TXNDC15: variants seen among roughly 807,000 people sequenced by gnomAD.
The protein encoded by TXNDC15 is thioredoxin domain-containing protein 15.
In TXNDC15, 24 loss-of-function variants were observed where a neutral mutation model predicts 35.0. The observed-to-expected ratio is 0.68, with a 90% CI of 0.50 to 0.96. The LOEUF (loss-of-function observed/expected upper bound fraction) is 0.96. TXNDC15 is among the 40% of genes least tolerant of loss of function. The pLI, the probability that TXNDC15 is intolerant of heterozygous loss-of-function variation, is 0.00. For synonymous variants in TXNDC15, 169 were observed against 174.0 expected (o/e 0.97, Z 0.23); for missense variants, 385 against 453.3 (o/e 0.85, Z 1.37).
At chr5:134,879,297 G>A (rs1750096245) in intron 1 of TXNDC15, among the ~76,000 whole-genome samples, 1 of 152,172 alleles carries the variant, frequency 6.6e-6, no homozygotes. Context: ...AGGGTCATCA[G>A]AGAGAACCAG....
In TXNDC15 at chr5:134,900,955, T is replaced by G. The variant is rs1373405116; in HGVS notation, c.*1270T>G. On this transcript the variant is annotated 3_prime_UTR_variant, in exon 5 of 5. Coordinates refer to ENST00000358387, the MANE Select transcript of TXNDC15 (RefSeq NM_024715.4). ...GGCCTGTGCCATCACACCCAGCTAA[T>G]TTTTCTATTTTTAGTAGAGATGGGG... 6.6e-6 allele frequency: 1 copy of G among 152,074 alleles called. No homozygotes were observed. Among genetic ancestry groups the G allele is most frequent in the Non-Finnish European group, 1.5e-5 (1 of 68,050 alleles). 9.4% of individuals were successfully genotyped at this position (152,074 alleles called of 1,614,324 possible).
At chr5:134,892,952 C>T (rs1282725433) in intron 2 of TXNDC15, 1 of 153,430 alleles carries the variant, frequency 6.5e-6, no homozygotes, top group Non-Finnish European at 1.5e-5. Flanking sequence ...ATCAAAGATA[C>T]TTATCATAGA....
At chr5:134,884,091 G>A (rs538907355) in intron 1 of TXNDC15, among the ~76,000 whole-genome samples, 56 of 149,660 alleles carry the variant, frequency 3.7e-4, no homozygotes, top group African/African-American at 1.4e-3. Context: ...GTGGTGGCAG[G>A]CACCTATAAT....
intron 2 of TXNDC15, chr5:134,892,924 A>T (rs1750416441): frequency 6.5e-6 from 1 of 152,950 alleles, no homozygotes; most frequent in Non-Finnish European, 1.5e-5. Flanking sequence ...GGCGCCCCAA[A>T]ACAATTACAA....
At chr5:134,889,754 C>CCTCAAAGATA (rs1750351165) in intron 2 of TXNDC15, among the ~76,000 whole-genome samples, 1 of 152,158 alleles carries the variant, frequency 6.6e-6, no homozygotes, top group Non-Finnish European at 1.5e-5. Flanking sequence ...TGGTTCCAGA[C>CCTCAAAGATA]CACTGTGATA....
At chr5:134,888,272 T>G (rs1218202461) in intron 2 of TXNDC15, 90 bp downstream of exon 2, 4 of 1,293,492 alleles carry the variant, frequency 3.1e-6, no homozygotes, top group Non-Finnish European at 4.3e-6. Context: ...AAAATCATGA[T>G]CTTGATCATA....
chr5:134,884,759 A>G (rs1349804284), intron 1 of TXNDC15, among the ~76,000 whole-genome samples: 1 of 152,088 alleles, frequency 6.6e-6, no homozygotes, highest in Non-Finnish European at 1.5e-5. Context: ...TTGTCTGCTA[A>G]TTGTGACATG....
At chr5:134,874,258 G>C, upstream of TXNDC15, 2 of 575,072 alleles carry the variant, frequency 3.5e-6, no homozygotes, top group Non-Finnish European at 6.0e-6. Context: ...CCGACGGCCA[G>C]CGGCTAGAGG....
Position 134,893,665 on chromosome 5 carries a change from A to G in TXNDC15, c.755+10A>G. The G allele has an allele frequency of 2.5e-6, 4 of 1,613,906 alleles. No individual in the cohort carries two copies. The highest frequency in any genetic ancestry group is 1.3e-5 in the African/African-American group (1 of 74,958). ...CATCTCAGCACAGCAGGTATCTTCC[A>G]TTGGTGGGGTTTACGTCCATCCTCC... On this transcript the variant is annotated intron_variant, in intron 3 of 4. Transcript: ENST00000358387.
chr5:134,898,334 T>C (rs901166073), intron 4 of TXNDC15, among the ~76,000 whole-genome samples: 5 of 152,250 alleles, frequency 3.3e-5, no homozygotes, highest in Admixed American at 6.5e-5. Flanking sequence ...CCAAAACATA[T>C]GGCCTTATTT....
At chr5:134,875,793 C>CTGAG (rs1354131724) in intron 1 of TXNDC15, among the ~76,000 whole-genome samples, 2 of 152,096 alleles carry the variant, frequency 1.3e-5, no homozygotes, top group African/African-American at 4.8e-5. Flanking sequence ...CCTCAGCCTC[C>CTGAG]TGAGTAGCTG....
At chr5:134,893,750 G>A in intron 3 of TXNDC15, 95 bp downstream of exon 3, 1 of 1,516,190 alleles carries the variant, frequency 6.6e-7, no homozygotes, top group Non-Finnish European at 9.0e-7. Context: ...CAGAAGAGGG[G>A]GGGCATGAAC....
chr5:134,874,174 C>T (rs1329471753), upstream of TXNDC15: 1 of 464,650 alleles, frequency 2.2e-6, no homozygotes, highest in Admixed American at 4.3e-5. Context: ...ATGCTCTGCA[C>T]TCTGGGGTCA....
At chr5:134,877,309 G>C (rs1750052421) in intron 1 of TXNDC15, among the ~76,000 whole-genome samples, 1 of 152,214 alleles carries the variant, frequency 6.6e-6, no homozygotes, top group South Asian at 2.1e-4. Context: ...AGTGCAGACA[G>C]AGGCCACATT....
At chr5:134,892,565 C>T (rs1183460950) in intron 2 of TXNDC15, 2 of 152,150 alleles carry the variant, frequency 1.3e-5, no homozygotes, top group East Asian at 1.9e-4. Context: ...CCTTTAAAAA[C>T]TTTTCCTTTG....
Position 134,893,536 on chromosome 5 carries a change from A to C in TXNDC15, c.636A>C (p.Leu212=), listed in dbSNP as rs1561901112. The C allele has an allele frequency of 5.0e-6, 8 of 1,614,034 alleles. No homozygotes were observed. Among genetic ancestry groups the C allele is most frequent in the Non-Finnish European group, 5.9e-6 (7 of 1,180,038 alleles). The part of the protein sequence containing the change: ...FLNPNGSDCT[L]VLFYTPWCRF... ...ACCCAAACGGTAGTGACTGTACTCT[A>C]GTCCTGTTTTACACCCCGTGGTGCC... Residue 212 remains leucine, a synonymous_variant, in exon 3 of 5, where the codon CTA becomes CTC. Transcript: ENST00000358387.
rs542940783 is a variant in TXNDC15, at chr5:134,900,267, A to C, written c.*582A>C. 1 of 152,424 alleles carries C rather than the reference A, an allele frequency of 6.6e-6. No homozygotes were observed. Among genetic ancestry groups the C allele is most frequent in the East Asian group, 1.9e-4 (1 of 5,196 alleles). The allele number at this position is 152,424 out of a possible 1,614,324, so 9.4% of individuals were successfully genotyped here. A position where few individuals can be genotyped will look rare whatever the true frequency, so the allele number is the denominator to read the frequency against. ...TTTAAGTTGTTTCTGGGTAAGGGAG[A>C]TGTTAGGAGAAAGGAAATGCTGTAA... On this transcript the variant is annotated 3_prime_UTR_variant, in exon 5 of 5. Coordinates refer to ENST00000358387, the MANE Select transcript of TXNDC15 (RefSeq NM_024715.4).
At position 134,896,298 on chromosome 5, in the gene TXNDC15, TC is replaced by T; in HGVS notation, c.761del (p.Ser254LeufsTer7). 1 of 1,610,860 alleles carries T rather than the reference TC, an allele frequency of 6.2e-7. No homozygotes were observed. The highest frequency in any genetic ancestry group is 1.1e-5 in the South Asian group (1 of 89,916). On this transcript the variant is annotated frameshift_variant, in exon 4 of 5. Transcript: ENST00000358387. LOFTEE classifies it high-confidence loss of function. ...TTTGACTTCTTTCTCTTGTAGCCTT[TC>T]TACCAGGTTTGGCACCGTAGCTGTT... ...ALDASQHSSL[S>X]TRFGTVAVPN...
chr5:134,882,988 G>A (rs1750191060), intron 1 of TXNDC15, among the ~76,000 whole-genome samples: 1 of 152,158 alleles, frequency 6.6e-6, no homozygotes, highest in African/African-American at 2.4e-5. Flanking sequence ...TATAATTTAC[G>A]TCTTTAAAAG....
Sources: allele counts gnomAD v4.1 joint callset (sites outside exome capture counted in the v4.1 genomes callset), GRCh38; gene constraint gnomAD v4.1.1; transcripts MANE v1.5; gene names NCBI Gene and HGNC (gene_info 2026-07-23, HGNC 2026-07-21).